The following SHISA9 variants were observed in gnomAD, a reference collection of about 807,000 sequenced individuals.
The protein encoded by SHISA9 is shisa family member 9.
A neutral mutation model predicts 38.0 loss-of-function variants in SHISA9; 13 were observed. The ratio of observed to expected loss-of-function variants is 0.34; its 90% CI spans 0.22 to 0.54. SHISA9 has a LOEUF of 0.54. Ranked by LOEUF, SHISA9 falls within the 20% of genes least tolerant of loss-of-function variation. SHISA9 has a pLI of 0.91. For missense variants in SHISA9, 538 were observed against 575.8 expected, an observed-to-expected ratio of 0.93 and a Z score of 0.67; for synonymous variants, 275 against 242.0, an observed-to-expected ratio of 1.14 and a Z score of -1.27.
chr16:13,235,618 A>G lies in SHISA9; in HGVS notation c.*209A>G. ...TCGGCGGGCAGCTGAGAAAGACCGA[A>G]GCGTGGACATTCAGCAATACAGCAA... On this transcript the variant is annotated 3_prime_UTR_variant, in exon 5 of 5. Transcript: ENST00000558583. The G allele has an allele frequency of 1.6e-6, 1 of 609,526 alleles. No individual in the cohort carries two copies. Among genetic ancestry groups the G allele is most frequent in the Non-Finnish European group, 2.8e-6 (1 of 362,526 alleles). 37.8% of individuals were successfully genotyped at this position (609,526 alleles called of 1,614,324 possible). A position where few individuals can be genotyped will look rare whatever the true frequency, so the allele number is the denominator to read the frequency against.
the SHISA9 span, among the ~76,000 whole-genome samples, chr16:13,517,273 G>A: frequency 6.6e-6 from 1 of 152,148 alleles, no homozygotes; most frequent in Non-Finnish European, 1.5e-5. Flanking sequence ...CTCCTTCAGC[G>A]GGTCCAAAAG....
rs1050328939 is a variant in SHISA9 at position 13,075,995 on chromosome 16, C to T, written c.692-127399C>T. On this transcript the variant is annotated intron_variant, in intron 2 of 4. Transcript: ENST00000558583. ...GTGTCTCCAGACATTGCTGATGTCC[C>T]CTAAGGAGAAAATCAACCCCCATTG... Among the ~76,000 whole-genome samples, 4 of 152,122 alleles carry T rather than the reference C, an allele frequency of 2.6e-5. No individual in the cohort carries two copies. In the East Asian group the frequency reaches 5.8e-4, roughly 22 times the overall value.
At chr16:13,095,443 T>C (rs1029678714) in intron 2 of SHISA9, among the ~76,000 whole-genome samples, 2 of 152,218 alleles carry the variant, frequency 1.3e-5, no homozygotes, top group Non-Finnish European at 2.9e-5. Flanking sequence ...GCCATACCCA[T>C]GTGTGGCCAC....
chr16:12,922,992 T>C (rs1188154711), intron 2 of SHISA9, among the ~76,000 whole-genome samples: 2 of 151,740 alleles, frequency 1.3e-5, no homozygotes, highest in Admixed American at 6.6e-5. Context: ...GCTCTATACA[T>C]TTTATTTTTT....
At chr16:13,077,814 C>T (rs2073600982) in intron 2 of SHISA9, among the ~76,000 whole-genome samples, 1 of 152,280 alleles carries the variant, frequency 6.6e-6, no homozygotes, top group Admixed American at 6.5e-5. Flanking sequence ...TAATTACAGC[C>T]AGCCTTAGTC....
intron 2 of SHISA9, among the ~76,000 whole-genome samples, chr16:12,982,487 T>C (rs781626986): frequency 5.3e-5 from 8 of 152,188 alleles, no homozygotes; most frequent in Non-Finnish European, 7.4e-5. Flanking sequence ...CTGCTTACCT[T>C]TTTAATCTCA....
intron 2 of SHISA9, among the ~76,000 whole-genome samples, chr16:13,005,897 T>C: frequency 6.6e-6 from 1 of 152,220 alleles, no homozygotes; most frequent in East Asian, 1.9e-4. Context: ...ATGGCGGTTC[T>C]TGGGTGACCT....
chr16:13,017,648 A>T (rs1596587585), intron 2 of SHISA9, among the ~76,000 whole-genome samples: 1 of 152,198 alleles, frequency 6.6e-6, no homozygotes, highest in African/African-American at 2.4e-5. Flanking sequence ...ATCTCATTGA[A>T]TCTTTATTCA....
At chr16:13,319,229 G>A in the SHISA9 span, among the ~76,000 whole-genome samples, 2 of 152,188 alleles carry the variant, frequency 1.3e-5, no homozygotes, top group East Asian at 1.9e-4. Flanking sequence ...GGCTGGTCTC[G>A]AACTCCTGAC....
At chr16:13,521,755 G>A in the SHISA9 span, among the ~76,000 whole-genome samples, 3 of 152,144 alleles carry the variant, frequency 2.0e-5, no homozygotes, top group Non-Finnish European at 4.4e-5. Context: ...ACTGTTTCAC[G>A]TGTGTTACGT....
At chr16:13,067,406 C>G (rs1384331795) in intron 2 of SHISA9, among the ~76,000 whole-genome samples, 1 of 152,232 alleles carries the variant, frequency 6.6e-6, no homozygotes, top group African/African-American at 2.4e-5. Context: ...GGCAAACAAG[C>G]TCTCCTCTCT....
intron 2 of SHISA9, among the ~76,000 whole-genome samples, chr16:13,110,392 G>A (rs1373507708): frequency 1.3e-5 from 2 of 152,192 alleles, no homozygotes; most frequent in Non-Finnish European, 2.9e-5. Context: ...ATGTTTCCGT[G>A]CTGAAAAGGG....
the SHISA9 span, among the ~76,000 whole-genome samples, chr16:13,519,899 T>C: frequency 6.6e-6 from 1 of 152,194 alleles, no homozygotes; most frequent in African/African-American, 2.4e-5. Flanking sequence ...TTGGGGATTA[T>C]GTGAACTACA....
chr16:13,172,347 A>G (rs2050693719), intron 2 of SHISA9, among the ~76,000 whole-genome samples: 1 of 152,244 alleles, frequency 6.6e-6, no homozygotes, highest in Admixed American at 6.5e-5. Context: ...CAAAGTGCAC[A>G]AGAAGTCCTT....
intron 4 of SHISA9, among the ~76,000 whole-genome samples, chr16:13,214,100 C>T (rs547670398): frequency 1.1e-3 from 161 of 152,292 alleles, no homozygotes; most frequent in African/African-American, 3.6e-3. Context: ...GTAATGGAAG[C>T]AGCTCTTTTT....
chr16:13,063,566 C>CATCT (rs1253489001), intron 2 of SHISA9, among the ~76,000 whole-genome samples: 2 of 152,148 alleles, frequency 1.3e-5, no homozygotes, highest in Admixed American at 1.3e-4. Context: ...GCAGAATGTT[C>CATCT]ATCTAAGTAC....
chr16:13,325,830 C>G, the SHISA9 span, among the ~76,000 whole-genome samples: 3 of 151,122 alleles, frequency 2.0e-5, no homozygotes, highest in South Asian at 6.3e-4. Flanking sequence ...TGTTCTCACT[C>G]ATAAGTGGGG....
At chr16:13,051,384 C>A (rs371575689) in intron 2 of SHISA9, among the ~76,000 whole-genome samples, 198 of 152,298 alleles carry the variant, frequency 1.3e-3, no homozygotes, top group African/African-American at 4.5e-3. Flanking sequence ...CTCCACCTGG[C>A]CCTGCCCTTG....
At chr16:13,319,522 A>G in the SHISA9 span, among the ~76,000 whole-genome samples, 2 of 152,132 alleles carry the variant, frequency 1.3e-5, no homozygotes, top group Non-Finnish European at 1.5e-5. Flanking sequence ...CCTGCTTGAC[A>G]TAGATTTGAA....
Sources: allele counts gnomAD v4.1 joint callset (sites outside exome capture counted in the v4.1 genomes callset), GRCh38; gene constraint gnomAD v4.1.1; transcripts MANE v1.5; gene names NCBI Gene and HGNC (gene_info 2026-07-23, HGNC 2026-07-21).